Variants in GLI3 observed in about 807,000 individuals in gnomAD.
GLI3 encodes GLI family zinc finger 3, also known as transcription activator GLI3.
A neutral mutation model predicts 100.8 loss-of-function variants in GLI3; 20 were observed. The ratio of observed to expected loss-of-function variants is 0.20; its 90% CI spans 0.14 to 0.29. The LOEUF is 0.29. GLI3 is among the 10% of genes least tolerant of loss of function. GLI3 has a pLI of 1.00. For missense variants in GLI3, 2,040 were observed against 2,128.5 expected (o/e 0.96, Z 0.82); for synonymous variants, 938 against 860.5 (o/e 1.09, Z -1.58).
At chr7:42,028,601 T>G (rs904649819) in intron 7 of GLI3, among the ~76,000 whole-genome samples, 1 of 151,826 alleles carries the variant, frequency 6.6e-6, no homozygotes, top group East Asian at 1.9e-4. Context: ...TCGTTTCTAC[T>G]AAAAATACAA....
chr7:42,072,491 C>T (rs149976007), intron 4 of GLI3, among the ~76,000 whole-genome samples: 3 of 152,290 alleles, frequency 2.0e-5, no homozygotes, highest in African/African-American at 7.2e-5. Flanking sequence ...AAAAAACACA[C>T]ACTCAAAATG....
At chr7:42,042,155 G>A (rs1470972908) in intron 6 of GLI3, among the ~76,000 whole-genome samples, 1 of 151,732 alleles carries the variant, frequency 6.6e-6, no homozygotes, top group African/African-American at 2.4e-5. Context: ...TGGGACTACA[G>A]ACACACACCA....
intron 2 of GLI3, among the ~76,000 whole-genome samples, chr7:42,162,587 T>C (rs1426234262): frequency 3.3e-5 from 5 of 152,124 alleles, no homozygotes; most frequent in Admixed American, 6.6e-5. Context: ...CCAAGAAGAG[T>C]TGATGAAAAC....
chr7:42,005,733 G>C (rs547437938), intron 10 of GLI3, among the ~76,000 whole-genome samples: 1 of 152,234 alleles, frequency 6.6e-6, no homozygotes, highest in African/African-American at 2.4e-5. Context: ...TGAAGACAAA[G>C]GATATTATTT....
At chr7:42,090,022 G>A (rs981774474) in intron 3 of GLI3, among the ~76,000 whole-genome samples, 2 of 152,146 alleles carry the variant, frequency 1.3e-5, no homozygotes, top group Non-Finnish European at 1.5e-5. Flanking sequence ...ATAACGGTAC[G>A]GTAGCATGTC....
intron 10 of GLI3, among the ~76,000 whole-genome samples, chr7:42,001,799 T>C (rs182553704): frequency 1.2e-4 from 19 of 152,144 alleles, no homozygotes; most frequent in Admixed American, 5.2e-4. Context: ...TTTACAATAA[T>C]AACTGAGTCT....
At chr7:42,230,423 G>A (rs1788676425) in intron 1 of GLI3, among the ~76,000 whole-genome samples, 1 of 152,132 alleles carries the variant, frequency 6.6e-6, no homozygotes, top group South Asian at 2.1e-4. Context: ...TTACTCTAAG[G>A]GGAAATAATT....
chr7:41,967,605 T>A lies in GLI3; in HGVS notation c.2422A>T (p.Ile808Leu), dbSNP rs775699703. 6.2e-7 allele frequency: 1 copy of A among 1,610,164 alleles called. No individual in the cohort carries two copies. Among genetic ancestry groups the A allele is most frequent in the Non-Finnish European group, 8.5e-7 (1 of 1,176,980 alleles). Residue 808 changes from isoleucine (I) to leucine (L), a missense_variant, in exon 14 of 15, where the codon ATA (isoleucine) becomes TTA (leucine). Transcript: ENST00000395925. The stretch of plus-strand genomic sequence containing the variant: ...CTGATGTAGAACTCACCATTTCCTA[T>A]GAGAGGAGAGACCGCAGGGGCTTTA... ...PPKAPAVSPL[I>L]GNGTQSNNTC...
intron 2 of GLI3, among the ~76,000 whole-genome samples, chr7:42,204,470 G>T (rs1169246086): frequency 6.6e-6 from 1 of 152,096 alleles, no homozygotes; most frequent in Non-Finnish European, 1.5e-5. Flanking sequence ...TGTTTACATT[G>T]CACTTAATAA....
At chr7:42,220,038 G>A (rs1197879975) in intron 2 of GLI3, among the ~76,000 whole-genome samples, 1 of 152,018 alleles carries the variant, frequency 6.6e-6, no homozygotes, top group Non-Finnish European at 1.5e-5. Flanking sequence ...ATTTTTAGTA[G>A]AGACGGGGTT....
At chr7:42,086,957 A>T (rs1225207782) in intron 3 of GLI3, among the ~76,000 whole-genome samples, 1 of 152,140 alleles carries the variant, frequency 6.6e-6, no homozygotes, top group Non-Finnish European at 1.5e-5. Context: ...CCTGCTGGGC[A>T]GTATGGGGAT....
rs1787574732 is a variant in GLI3 at position 41,978,676 on chromosome 7, G to C, written c.1570C>G (p.Gln524Glu). The C allele has an allele frequency of 1.2e-6, 2 of 1,613,546 alleles. No homozygotes were observed. Among genetic ancestry groups the C allele is most frequent in the African/African-American group, 2.7e-5 (2 of 74,904 alleles). The change falls in exon 11 of 15, where the codon CAG becomes GAG. Residue 524 changes from glutamine to glutamate, a missense_variant. Physicochemically the swap from Gln to Glu is conservative, Grantham distance 29 (BLOSUM62 2). Coordinates refer to ENST00000395925, the MANE Select transcript of GLI3 (RefSeq NM_000168.6). ...VCRWLDCSRE[Q>E]KPFKAQYMLV... Reference sequence around the variant, plus strand: ...ATATACTGGGCTTTGAAGGGTTTCTGCTCTCTTGAGCAGTCCAGCCACCTG... The same window carrying C: ...ATATACTGGGCTTTGAAGGGTTTCTCCTCTCTTGAGCAGTCCAGCCACCTG...
intron 4 of GLI3, among the ~76,000 whole-genome samples, chr7:42,069,323 G>A (rs956640325): frequency 6.6e-6 from 1 of 152,156 alleles, no homozygotes; most frequent in African/African-American, 2.4e-5. Flanking sequence ...TTTTGTGGTT[G>A]TTTCTTAACG....
intron 7 of GLI3, among the ~76,000 whole-genome samples, chr7:42,034,564 C>T (rs933907053): frequency 8.5e-5 from 13 of 152,092 alleles, no homozygotes; most frequent in African/African-American, 2.7e-4. Context: ...TAACCTGCCC[C>T]GTGTTTAACT....
At chr7:42,228,715 A>T (rs1268447596) in intron 1 of GLI3, among the ~76,000 whole-genome samples, 1 of 152,232 alleles carries the variant, frequency 6.6e-6, no homozygotes, top group Non-Finnish European at 1.5e-5. Flanking sequence ...CAAAACCAAT[A>T]GGTGTGTGCT....
At chr7:41,967,538 A>C (rs1787218056) in intron 14 of GLI3, 58 bp downstream of exon 14, 11 of 1,217,606 alleles carry the variant, frequency 9.0e-6, no homozygotes, top group Non-Finnish European at 1.3e-5. Context: ...GAGGGCCTGC[A>C]TTTAAAAGAA....
intron 3 of GLI3, among the ~76,000 whole-genome samples, chr7:42,104,469 A>C (rs1003810712): frequency 6.6e-6 from 1 of 152,214 alleles, no homozygotes; most frequent in African/African-American, 2.4e-5. Context: ...ACAGCAAGGA[A>C]TCTGGCATAA....
intron 2 of GLI3, among the ~76,000 whole-genome samples, chr7:42,221,271 T>C (rs1301228204): frequency 6.6e-6 from 1 of 152,158 alleles, no homozygotes; most frequent in African/African-American, 2.4e-5. Flanking sequence ...CCTGAGAATG[T>C]GTCCAGGTGT....
intron 1 of GLI3, among the ~76,000 whole-genome samples, chr7:42,257,058 CTTTAT>C (rs1264178780): frequency 2.6e-5 from 4 of 151,876 alleles, no homozygotes; most frequent in East Asian, 3.9e-4. Flanking sequence ...ATTTTTTAAA[CTTTAT>C]TTTAAGATTT....
Sources: gnomAD v4.1 joint callset for allele counts (sites outside exome capture counted in the v4.1 genomes callset) on GRCh38, gnomAD v4.1.1 for gene constraint, MANE v1.5 for transcripts, NCBI Gene and HGNC (gene_info 2026-07-23, HGNC 2026-07-21) for gene names.